TCF7L2: variants seen among roughly 807,000 people sequenced by gnomAD.
The protein encoded by TCF7L2 is transcription factor 7-like 2.
TCF7L2 carries 23 observed loss-of-function variants against 77.9 expected under a neutral mutation model. The ratio of observed to expected loss-of-function variants is 0.30; its 90% CI spans 0.21 to 0.42. The LOEUF (loss-of-function observed/expected upper bound fraction) is 0.42. Ranked by LOEUF, TCF7L2 falls within the 10% of genes least tolerant of loss-of-function variation. The pLI, the probability that TCF7L2 is intolerant of heterozygous loss-of-function variation, is 1.00. For synonymous variants in TCF7L2, 413 were observed against 340.2 expected (o/e 1.21, Z -2.36); for missense variants, 654 against 793.1 (o/e 0.82, Z 2.11).
intron 13 of TCF7L2, chr10:113,161,558 T>C: frequency 1.3e-6 from 2 of 1,536,098 alleles, no homozygotes; most frequent in Non-Finnish European, 1.7e-6. Flanking sequence ...ATGTGTTGTT[T>C]CTTTGTTCTG....
chr10:113,158,108 C>A (rs2137367649), intron 12 of TCF7L2, 39 bp downstream of exon 12: 3 of 1,568,022 alleles, frequency 1.9e-6, no homozygotes, highest in Non-Finnish European at 2.6e-6. Context: ...GGAGCTGTAG[C>A]CTGAGGACCA....
At chr10:113,089,646 C>G in intron 5 of TCF7L2, 3 of 1,390,944 alleles carry the variant, frequency 2.2e-6, no homozygotes, top group Non-Finnish European at 2.9e-6. Context: ...ACTGCGATCC[C>G]TGAATTCTTG....
At chr10:113,015,673 G>A (rs1409596416) in intron 4 of TCF7L2, among the ~76,000 whole-genome samples, 2 of 152,032 alleles carry the variant, frequency 1.3e-5, no homozygotes, top group Admixed American at 1.3e-4. Context: ...TAGAGATGGG[G>A]GTCTCACTAT....
chr10:113,028,349 C>G (rs150081351), intron 4 of TCF7L2, among the ~76,000 whole-genome samples: 1 of 152,140 alleles, frequency 6.6e-6, no homozygotes, highest in Admixed American at 6.5e-5. Context: ...AGGTCAGCCT[C>G]CCGTAAATCT....
At position 112,950,929 on chromosome 10, in the gene TCF7L2, G is replaced by T. The variant is rs762586681; in HGVS notation, c.173G>T (p.Ser58Ile). Residue 58 changes from serine (S) to isoleucine (I), a missense_variant, in exon 1 of 14, where the codon AGC (serine) becomes ATC (isoleucine). By Grantham distance (142) the Ser-to-Ile change is moderately radical. Transcript: ENST00000627217. ...AATGAATCAGAAACGAATCAAAACA[G>T]CTCCTCCGATTCCGAGGTAGGAAAA... is the stretch of plus-strand genomic sequence containing the variant. 1 of 1,610,876 alleles carries T rather than the reference G, an allele frequency of 6.2e-7. No individual in the cohort carries two copies.
chr10:113,001,896 T>C (rs1374193740), intron 4 of TCF7L2, among the ~76,000 whole-genome samples: 1 of 152,200 alleles, frequency 6.6e-6, no homozygotes, highest in African/African-American at 2.4e-5. Context: ...CACTACCTTG[T>C]CTCTGATTAT....
Position 113,137,914 on chromosome 10 carries a change from G to C in TCF7L2, c.553-3270G>C, listed in dbSNP as rs141073383. Among the ~76,000 whole-genome samples, 243 of 152,312 alleles carry C rather than the reference G, an allele frequency of 1.6e-3. 3 individuals carry two copies. The South Asian group carries it at 0.028, about 18-fold the overall frequency. On this transcript the variant is annotated intron_variant, in intron 5 of 13. Coordinates refer to ENST00000627217, the MANE Select transcript of TCF7L2 (RefSeq NM_001146274.2). ...GGTGCACACACACCCCCAGCAATGG[G>C]CATCGTGTGATGTAGGAAGAAAGGG... is the stretch of plus-strand genomic sequence containing the variant.
At chr10:113,076,242 A>G (rs2058686798) in intron 5 of TCF7L2, among the ~76,000 whole-genome samples, 1 of 151,982 alleles carries the variant, frequency 6.6e-6, no homozygotes, top group African/African-American at 2.4e-5. Context: ...GACTCAAGCA[A>G]TCCTCCAGCA....
intron 4 of TCF7L2, among the ~76,000 whole-genome samples, chr10:113,032,548 C>T (rs767126411): frequency 6.6e-6 from 1 of 152,144 alleles, no homozygotes; most frequent in Admixed American, 6.5e-5. Context: ...TGAGATGTTC[C>T]CTTCACCATG....
At chr10:113,080,606 A>G (rs1461131061) in intron 5 of TCF7L2, among the ~76,000 whole-genome samples, 1 of 152,146 alleles carries the variant, frequency 6.6e-6, no homozygotes, top group Non-Finnish European at 1.5e-5. Flanking sequence ...GTATGCTCCC[A>G]TTGGGATTTC....
chr10:113,021,232 A>G (rs2048226127), intron 4 of TCF7L2, among the ~76,000 whole-genome samples: 1 of 152,142 alleles, frequency 6.6e-6, no homozygotes, highest in Non-Finnish European at 1.5e-5. Context: ...GTTTCCTGAA[A>G]ACTCATCCGG....
intron 4 of TCF7L2, among the ~76,000 whole-genome samples, chr10:113,026,376 C>A (rs1355557934): frequency 6.6e-6 from 1 of 151,716 alleles, no homozygotes; most frequent in African/African-American, 2.4e-5. Context: ...GGTCAGGCTC[C>A]TCTTGAACTT....
chr10:113,127,608 C>CT (rs771164764), intron 5 of TCF7L2, among the ~76,000 whole-genome samples: 17 of 150,574 alleles, frequency 1.1e-4, no homozygotes, highest in African/African-American at 2.0e-4. Context: ...TTGTTGCTGT[C>CT]TTTTTTTTTA....
chr10:112,995,356 C>T (rs1345430938), intron 4 of TCF7L2, among the ~76,000 whole-genome samples: 1 of 152,184 alleles, frequency 6.6e-6, no homozygotes, highest in African/African-American at 2.4e-5. Context: ...TTGTAAGTCT[C>T]CTGACAGTGG....
At chr10:113,154,267 G>T (rs1290358475) in intron 11 of TCF7L2, among the ~76,000 whole-genome samples, 1 of 152,174 alleles carries the variant, frequency 6.6e-6, no homozygotes, top group Non-Finnish European at 1.5e-5. Context: ...AGGCTCCATA[G>T]CCTCCACGTA....
intron 3 of TCF7L2, among the ~76,000 whole-genome samples, chr10:112,959,050 AT>A (rs910225941): frequency 3.9e-5 from 6 of 152,194 alleles, no homozygotes; most frequent in South Asian, 2.1e-4. Flanking sequence ...GATTCACTTT[AT>A]TTTTTCCCCC....
At chr10:113,064,145 G>T (rs997359056) in intron 5 of TCF7L2, among the ~76,000 whole-genome samples, 5 of 152,136 alleles carry the variant, frequency 3.3e-5, no homozygotes, top group Non-Finnish European at 7.4e-5. Flanking sequence ...TTTGGGATAT[G>T]TAACAGGCTT....
At chr10:113,141,057 A>AG (rs1455198868) in intron 5 of TCF7L2, 127 bp from the exon 6 acceptor site, 2 of 1,139,682 alleles carry the variant, frequency 1.8e-6, no homozygotes, top group African/African-American at 3.1e-5. Context: ...GGATGGGCAG[A>AG]GTTGAGTGCA....
chr10:113,043,188 A>G (rs1038863505), intron 5 of TCF7L2, among the ~76,000 whole-genome samples: 1 of 152,228 alleles, frequency 6.6e-6, no homozygotes, highest in African/African-American at 2.4e-5. Flanking sequence ...CGAAACTACA[A>G]CTTTACAGAT....
Sources: gnomAD v4.1 joint callset for allele counts (sites outside exome capture counted in the v4.1 genomes callset) on GRCh38, gnomAD v4.1.1 for gene constraint, MANE v1.5 for transcripts, NCBI Gene and HGNC (gene_info 2026-07-23, HGNC 2026-07-21) for gene names.